Variants in GRID2 observed in about 807,000 individuals in gnomAD.
GRID2 encodes the protein glutamate receptor ionotropic, delta-2.
GRID2 carries 33 observed loss-of-function variants against 114.8 expected under a neutral mutation model. That is an observed-to-expected ratio of 0.29 (90% CI 0.22 to 0.38). GRID2 has a LOEUF of 0.38. Ranked by LOEUF, GRID2 falls within the 10% of genes least tolerant of loss-of-function variation. The pLI, the probability that GRID2 is intolerant of heterozygous loss-of-function variation, is 1.00. For missense variants in GRID2, 1,184 were observed against 1,257.7 expected (o/e 0.94, Z 0.89); for synonymous variants, 505 against 449.9 (o/e 1.12, Z -1.55).
At position 93,628,725 on chromosome 4, in the gene GRID2, C is replaced by T. The variant is rs550504791; in HGVS notation, c.2360+2290C>T. Among the ~76,000 whole-genome samples the T allele has an allele frequency of 2.7e-5, 4 of 149,346 alleles. No individual in the cohort carries two copies. In the South Asian group the frequency reaches 8.5e-4, roughly 32 times the overall value. ...ATTAGTTATGGTTAATTGGCTTTTT[C>T]ATTGCTAAAGATGTTCTTGCTTTTC... On this transcript the variant is annotated intron_variant, in intron 14 of 15. Coordinates refer to ENST00000282020, the MANE Select transcript of GRID2 (RefSeq NM_001510.4).
intron 2 of GRID2, among the ~76,000 whole-genome samples, chr4:92,703,509 G>A (rs1380743257): frequency 6.6e-6 from 1 of 151,564 alleles, no homozygotes; most frequent in African/African-American, 2.4e-5. Context: ...AATGGGCTTT[G>A]GAGACAGTGA....
chr4:93,292,784 A>AGTTCACAAGTCCT (rs1189958527), intron 8 of GRID2, among the ~76,000 whole-genome samples: 1 of 152,216 alleles, frequency 6.6e-6, no homozygotes. Flanking sequence ...TTGGCTTGCA[A>AGTTCACAAGTCCT]GTTCACAAGT....
intron 1 of GRID2, among the ~76,000 whole-genome samples, chr4:92,465,877 T>C (rs1231824957): frequency 6.6e-6 from 1 of 151,938 alleles, no homozygotes; most frequent in Non-Finnish European, 1.5e-5. Flanking sequence ...ACAAACAAAA[T>C]TGTAAATTTC....
intron 1 of GRID2, among the ~76,000 whole-genome samples, chr4:92,562,840 A>G (rs970268052): frequency 1.3e-5 from 2 of 152,200 alleles, no homozygotes; most frequent in Admixed American, 1.3e-4. Context: ...TACATACATC[A>G]TGTATATGTA....
intron 5 of GRID2, among the ~76,000 whole-genome samples, chr4:93,211,702 G>T (rs1425794446): frequency 6.6e-6 from 1 of 151,780 alleles, no homozygotes; most frequent in African/African-American, 2.4e-5. Context: ...ATTTCTTTTG[G>T]GCAAGCCACA....
chr4:93,166,260 C>T (rs1738238823), intron 4 of GRID2: 1 of 152,150 alleles, frequency 6.6e-6, no homozygotes, highest in Non-Finnish European at 1.5e-5. Flanking sequence ...ATGCTGTTGA[C>T]ACTTTAAAGC....
chr4:92,420,848 C>A (rs1004162571), intron 1 of GRID2, among the ~76,000 whole-genome samples: 5 of 152,044 alleles, frequency 3.3e-5, no homozygotes, highest in African/African-American at 9.7e-5. Context: ...TCATGCCCAG[C>A]TAATTTTTGT....
chr4:93,498,905 A>G (rs62310111), intron 12 of GRID2, among the ~76,000 whole-genome samples: 26,940 of 151,850 alleles, frequency 0.18, 3,207 homozygotes, highest in Middle Eastern at 0.33. Flanking sequence ...CATTATCTGT[A>G]AAGTTTTTTA....
At chr4:93,122,420 T>A (rs1733859899) in intron 4 of GRID2, among the ~76,000 whole-genome samples, 1 of 152,198 alleles carries the variant, frequency 6.6e-6, no homozygotes, top group South Asian at 2.1e-4. Context: ...AAGTATTATC[T>A]CTGTACTGCA....
At chr4:92,664,202 T>A (rs922828233) in intron 2 of GRID2, among the ~76,000 whole-genome samples, 1 of 151,382 alleles carries the variant, frequency 6.6e-6, no homozygotes, top group East Asian at 1.9e-4. Flanking sequence ...GATTTTCCTT[T>A]TGATTATTTT....
At chr4:93,364,963 T>C (rs1433873609) in intron 8 of GRID2, among the ~76,000 whole-genome samples, 14 of 152,200 alleles carry the variant, frequency 9.2e-5, no homozygotes, top group Admixed American at 9.2e-4. Context: ...CTGTTATTTT[T>C]ATTCTGCAGT....
At chr4:93,080,989 A>C (rs1056130277) in intron 2 of GRID2, among the ~76,000 whole-genome samples, 8 of 152,148 alleles carry the variant, frequency 5.3e-5, no homozygotes, top group African/African-American at 1.9e-4. Flanking sequence ...TCTTGCTATA[A>C]TAGCATTAAT....
At chr4:93,428,520 G>C (rs1243737198) in intron 10 of GRID2, among the ~76,000 whole-genome samples, 2 of 151,978 alleles carry the variant, frequency 1.3e-5, no homozygotes, top group African/African-American at 4.8e-5. Context: ...ATAGTCACTG[G>C]TTATTTAAAA....
chr4:93,200,590 CAAAA>C (rs770426101), intron 4 of GRID2, among the ~76,000 whole-genome samples: 1 of 151,422 alleles, frequency 6.6e-6, no homozygotes, highest in Non-Finnish European at 1.5e-5. Context: ...AACAAACAAA[CAAAA>C]AAACATTACA....
chr4:93,142,462 C>T (rs1735864995), intron 4 of GRID2, among the ~76,000 whole-genome samples: 1 of 152,048 alleles, frequency 6.6e-6, no homozygotes, highest in African/African-American at 2.4e-5. Context: ...TGAACAAGTT[C>T]TCTGGAGTCT....
intron 2 of GRID2, among the ~76,000 whole-genome samples, chr4:93,004,380 C>T (rs2149220803): frequency 6.6e-6 from 1 of 152,080 alleles, no homozygotes; most frequent in South Asian, 2.1e-4. Context: ...TTTCCCATCA[C>T]CAGCACCATC....
chr4:92,350,778 C>T (rs1023299817), intron 1 of GRID2, among the ~76,000 whole-genome samples: 1 of 151,796 alleles, frequency 6.6e-6, no homozygotes, highest in African/African-American at 2.4e-5. Flanking sequence ...CAATTTTAGA[C>T]TATGTATTCA....
intron 4 of GRID2, among the ~76,000 whole-genome samples, chr4:93,205,794 T>G (rs1742683958): frequency 6.6e-6 from 1 of 152,086 alleles, no homozygotes; most frequent in African/African-American, 2.4e-5. Flanking sequence ...AGTGTTCCTA[T>G]TTCTCCACAT....
intron 2 of GRID2, among the ~76,000 whole-genome samples, chr4:92,743,986 G>T (rs1737021547): frequency 6.6e-6 from 1 of 151,866 alleles, no homozygotes; most frequent in Non-Finnish European, 1.5e-5. Flanking sequence ...TATTCAAATT[G>T]TCCTTCACTT....
Sources: gnomAD v4.1 joint callset for allele counts (sites outside exome capture counted in the v4.1 genomes callset) on GRCh38, gnomAD v4.1.1 for gene constraint, MANE v1.5 for transcripts, NCBI Gene and HGNC (gene_info 2026-07-23, HGNC 2026-07-21) for gene names.